The following P2RX7 variants were observed in gnomAD, a reference collection of about 807,000 sequenced individuals.
P2RX7 encodes purinergic receptor P2X 7.
In P2RX7, 62 loss-of-function variants were observed where a neutral mutation model predicts 71.6. The ratio of observed to expected loss-of-function variants is 0.87; its 90% CI spans 0.71 to 1.07. The LOEUF (loss-of-function observed/expected upper bound fraction) is 1.07. Among genes scored for constraint, P2RX7 ranks in the 50% least tolerant of loss-of-function variants. The pLI is 0.00. For synonymous variants in P2RX7, 299 were observed against 283.3 expected (o/e 1.06, Z -0.56); for missense variants, 686 against 748.5 (o/e 0.92, Z 0.97).
intron 1 of P2RX7, among the ~76,000 whole-genome samples, chr12:121,134,812 T>C (rs1873197327): frequency 6.6e-6 from 1 of 152,320 alleles, no homozygotes; most frequent in South Asian, 2.1e-4. Context: ...TTGATAATGA[T>C]GATGAAGGCA....
chr12:121,156,005 C>A, intron 2 of P2RX7, 74 bp from the exon 3 acceptor site: 2 of 1,369,002 alleles, frequency 1.5e-6, no homozygotes, highest in South Asian at 1.2e-5. Flanking sequence ...GTTCGCCCAG[C>A]AAGCTGGATT....
At chr12:121,141,906 C>G (rs1874972067) in intron 1 of P2RX7, among the ~76,000 whole-genome samples, 2 of 152,168 alleles carry the variant, frequency 1.3e-5, no homozygotes, top group Admixed American at 6.5e-5. Flanking sequence ...TCCCTTGCAG[C>G]TAGGACACAA....
At chr12:121,152,787 G>T (rs949111389) in intron 1 of P2RX7, among the ~76,000 whole-genome samples, 4 of 152,210 alleles carry the variant, frequency 2.6e-5, no homozygotes, top group African/African-American at 9.6e-5. Flanking sequence ...CAAAGTTCTG[G>T]GATTACAGGC....
chr12:121,151,505 G>A lies in P2RX7; in HGVS notation c.126-3280G>A, dbSNP rs373656920. Among the ~76,000 whole-genome samples the A allele has an allele frequency of 7.9e-5, 12 of 152,236 alleles. No homozygotes were observed. In the East Asian group the frequency reaches 2.3e-3, roughly 29 times the overall value. Reference sequence around the variant, plus strand: ...GGCCTCCCAAAGATTACAGGCATGAGCCACCATGCCCAGCCTAAAAGAAAT... The same window carrying A: ...GGCCTCCCAAAGATTACAGGCATGAACCACCATGCCCAGCCTAAAAGAAAT... On this transcript the variant is annotated intron_variant, in intron 1 of 12. Transcript: ENST00000328963.
At chr12:121,157,035 A>C (rs957150245) in intron 3 of P2RX7, among the ~76,000 whole-genome samples, 2 of 151,994 alleles carry the variant, frequency 1.3e-5, no homozygotes, top group African/African-American at 4.8e-5. Flanking sequence ...TCTTTACCTC[A>C]CCATCCTGCT....
chr12:121,162,966 A>G (rs998042977), intron 5 of P2RX7, among the ~76,000 whole-genome samples: 1 of 149,904 alleles, frequency 6.7e-6, no homozygotes, highest in African/African-American at 2.5e-5. Context: ...AAAAGGGGTG[A>G]GGGTAAAAGA....
chr12:121,168,683 T>C (rs945365147), intron 8 of P2RX7, among the ~76,000 whole-genome samples: 7 of 152,136 alleles, frequency 4.6e-5, no homozygotes, highest in African/African-American at 1.7e-4. Context: ...CCACAGCTGA[T>C]AGTACATGTT....
At chr12:121,162,336 C>T (rs535439228) in intron 4 of P2RX7, 88 bp from the exon 5 acceptor site, 30 of 1,547,212 alleles carry the variant, frequency 1.9e-5, no homozygotes, top group East Asian at 6.9e-5. Flanking sequence ...GTCTCTCGCC[C>T]GGGTTGAGTT....
Position 121,184,281 on chromosome 12 carries a change from A to T in P2RX7, c.1291-24A>T, listed in dbSNP as rs200085754. 6.4e-6 allele frequency: 10 copies of T among 1,560,020 alleles called. No homozygotes were observed. The South Asian group carries it at 1.2e-4, about 19-fold the overall frequency. On this transcript the variant is annotated intron_variant, in intron 12 of 12. Coordinates refer to ENST00000328963, the MANE Select transcript of P2RX7 (RefSeq NM_002562.6). ...AACCTGAGGGCTTGTCATGGCTAAT[A>T]GGTTTGGAAACTTGCTTTTTCAGAG...
chr12:121,143,841 A>G (rs1203128136), intron 1 of P2RX7, among the ~76,000 whole-genome samples: 2 of 152,052 alleles, frequency 1.3e-5, no homozygotes, highest in Non-Finnish European at 2.9e-5. Flanking sequence ...GCAGAGTGAG[A>G]CTCCGTCTCA....
intron 1 of P2RX7, among the ~76,000 whole-genome samples, chr12:121,144,176 C>A (rs1414548349): frequency 5.9e-5 from 9 of 152,164 alleles, no homozygotes; most frequent in African/African-American, 2.2e-4. Flanking sequence ...AACTAGAAAC[C>A]CTGCCCAATA....
chr12:121,155,425 T>C, intron 2 of P2RX7: 1 of 1,273,900 alleles, frequency 7.8e-7, no homozygotes, highest in Non-Finnish European at 1.0e-6. Flanking sequence ...AAGAAAGGCA[T>C]CGGTCACTGA....
chr12:121,168,244 C>T (rs1284997830), intron 8 of P2RX7, among the ~76,000 whole-genome samples: 1 of 147,218 alleles, frequency 6.8e-6, no homozygotes, highest in East Asian at 1.9e-4. Flanking sequence ...ATAACAACTG[C>T]TACAATTCAG....
At chr12:121,148,911 T>G in intron 1 of P2RX7, 1 of 358,036 alleles carries the variant, frequency 2.8e-6, no homozygotes, top group Non-Finnish European at 5.4e-6. Context: ...TCCATGAAGA[T>G]GTTTGTTGGC....
At chr12:121,133,334 C>CCAGGGCGCGCAGGG (rs1206350593) in intron 1 of P2RX7, among the ~76,000 whole-genome samples, 2 of 152,224 alleles carry the variant, frequency 1.3e-5, no homozygotes, top group Non-Finnish European at 2.9e-5. Flanking sequence ...TTCAGGCCCG[C>CCAGGGCGCGCAGGG]CAGGGCGCGC....
chr12:121,167,247 G>T (rs1040103031), intron 7 of P2RX7, among the ~76,000 whole-genome samples: 2 of 152,060 alleles, frequency 1.3e-5, no homozygotes, highest in Non-Finnish European at 2.9e-5. Flanking sequence ...GTTGAAAGTT[G>T]TATTTTAGGA....
chr12:121,176,709 G>A (rs1002705980), intron 9 of P2RX7, among the ~76,000 whole-genome samples: 62 of 136,944 alleles, frequency 4.5e-4, no homozygotes, highest in Non-Finnish European at 6.3e-4. Context: ...CCGAGATTGC[G>A]CCACTGCACT....
intron 1 of P2RX7, among the ~76,000 whole-genome samples, chr12:121,148,733 C>A (rs892687411): frequency 2.0e-5 from 3 of 152,198 alleles, no homozygotes; most frequent in Non-Finnish European, 4.4e-5. Flanking sequence ...CTCAGAGCAT[C>A]TCTTGGGTCC....
chr12:121,166,282 T>C (rs911752972), intron 7 of P2RX7, 95 bp downstream of exon 7: 22 of 1,334,230 alleles, frequency 1.6e-5, no homozygotes, highest in East Asian at 4.7e-5. Context: ...GTCTTCATAA[T>C]GTGGCTCACA....
Sources: allele counts gnomAD v4.1 joint callset (sites outside exome capture counted in the v4.1 genomes callset), GRCh38; gene constraint gnomAD v4.1.1; transcripts MANE v1.5; gene names NCBI Gene and HGNC (gene_info 2026-07-23, HGNC 2026-07-21).